The following DCAF8L2 variants were observed in gnomAD, a reference collection of about 807,000 sequenced individuals.
DCAF8L2 encodes DDB1- and CUL4-associated factor 8-like protein 2.
For missense variants in DCAF8L2, 430 were observed against 490.7 expected, an observed-to-expected ratio of 0.88 and a Z score of 1.17; for synonymous variants, 200 against 190.9, an observed-to-expected ratio of 1.05 and a Z score of -0.39.
At chrX:27,689,236 C>A (rs183988705) in intron 3 of DCAF8L2, among the ~76,000 whole-genome samples, 3 of 111,875 alleles carry the variant, frequency 2.7e-5, no homozygotes, top group Non-Finnish European at 3.8e-5. Flanking sequence ...GATTGATTGA[C>A]TGATTGATTG....
chrX:27,665,689 A>G (rs1482754665), intron 2 of DCAF8L2, among the ~76,000 whole-genome samples: 1 of 111,541 alleles, frequency 9.0e-6, no homozygotes, highest in Admixed American at 9.6e-5. Flanking sequence ...AAATTACCAT[A>G]GCCACCCCAA....
the DCAF8L2 span, among the ~76,000 whole-genome samples, chrX:27,571,557 A>G: frequency 8.9e-6 from 1 of 111,871 alleles, no homozygotes; most frequent in Non-Finnish European, 1.9e-5. Context: ...CCAAAGAGAG[A>G]TGTAGTAGGT....
At chrX:27,613,454 G>C (rs1433124285) in intron 1 of DCAF8L2, among the ~76,000 whole-genome samples, 1 of 111,124 alleles carries the variant, frequency 9.0e-6, no homozygotes, top group Admixed American at 9.6e-5. Context: ...TCTTTCTGCT[G>C]CCTGATTGCC....
chrX:27,557,644 A>G, the DCAF8L2 span, among the ~76,000 whole-genome samples: 8 of 111,499 alleles, frequency 7.2e-5, no homozygotes, highest in African/African-American at 2.6e-4. Flanking sequence ...GTTGGGCTGT[A>G]GAGGTTGTGC....
chrX:27,551,575 A>G, the DCAF8L2 span, among the ~76,000 whole-genome samples: 1 of 111,703 alleles, frequency 9.0e-6, no homozygotes, highest in Non-Finnish European at 1.9e-5. Flanking sequence ...TCTCTGAGGT[A>G]TGCTTTTATG....
intron 2 of DCAF8L2, among the ~76,000 whole-genome samples, chrX:27,656,290 T>C (rs1929348667): frequency 8.9e-6 from 1 of 112,081 alleles, no homozygotes; most frequent in South Asian, 3.7e-4. Flanking sequence ...AACAGCGGTA[T>C]CCGAAAACAA....
chrX:27,622,528 A>G (rs1927825921), intron 1 of DCAF8L2, among the ~76,000 whole-genome samples: 1 of 111,864 alleles, frequency 8.9e-6, no homozygotes, highest in South Asian at 3.7e-4. Context: ...TTAAAAGTAA[A>G]ATTGATAAAT....
chrX:27,729,436 A>C, intron 4 of DCAF8L2, among the ~76,000 whole-genome samples: 1 of 112,517 alleles, frequency 8.9e-6, no homozygotes, highest in East Asian at 2.8e-4. Flanking sequence ...GCCATATGGC[A>C]GCAAATAACT....
At chrX:27,565,408 T>C in the DCAF8L2 span, among the ~76,000 whole-genome samples, 9 of 111,784 alleles carry the variant, frequency 8.1e-5, no homozygotes, top group South Asian at 3.8e-4. Context: ...ATAAATTCCA[T>C]GTGGTCATGG....
At chrX:27,648,673 A>G (rs1929036987) in intron 2 of DCAF8L2, among the ~76,000 whole-genome samples, 1 of 110,800 alleles carries the variant, frequency 9.0e-6, no homozygotes, top group African/African-American at 3.3e-5. Flanking sequence ...CAATTTTCAC[A>G]ATCTGTCTTT....
the DCAF8L2 span, among the ~76,000 whole-genome samples, chrX:27,571,241 C>A: frequency 9.0e-6 from 1 of 111,686 alleles, no homozygotes; most frequent in African/African-American, 3.2e-5. Flanking sequence ...TCTCTAGATT[C>A]TTTCTGGTTT....
the DCAF8L2 span, among the ~76,000 whole-genome samples, chrX:27,512,402 A>G: frequency 9.0e-6 from 1 of 111,366 alleles, no homozygotes; most frequent in Admixed American, 9.6e-5. Context: ...ATCGTTATCA[A>G]GATACCAATG....
At chrX:27,517,974 C>T in the DCAF8L2 span, 1 of 1,184,387 alleles carries the variant, frequency 8.4e-7, no homozygotes. Context: ...AGTATGTAGA[C>T]AGCAAAGGTT....
chrX:27,577,566 A>C, the DCAF8L2 span, among the ~76,000 whole-genome samples: 1 of 112,057 alleles, frequency 8.9e-6, no homozygotes, highest in Non-Finnish European at 1.9e-5. Flanking sequence ...ATAACTTCAT[A>C]AATTAGAGAA....
chrX:27,506,678 A>T, the DCAF8L2 span, among the ~76,000 whole-genome samples: 62 of 110,378 alleles, frequency 5.6e-4, no homozygotes, highest in Admixed American at 2.7e-3. Flanking sequence ...GTGTGTCCAG[A>T]TTTCCCTTTT....
chrX:27,652,936 TA>T (rs1205639314), intron 2 of DCAF8L2, among the ~76,000 whole-genome samples: 1 of 112,468 alleles, frequency 8.9e-6, no homozygotes, highest in Non-Finnish European at 1.9e-5. Flanking sequence ...TCAGTCCCTA[TA>T]AAATGGAAAA....
intron 2 of DCAF8L2, among the ~76,000 whole-genome samples, chrX:27,652,025 A>G (rs1228125344): frequency 1.8e-5 from 2 of 110,034 alleles, no homozygotes; most frequent in East Asian, 2.8e-4. Context: ...TGGAGATACT[A>G]TTAATTAATA....
chrX:27,564,489 G>C, the DCAF8L2 span, among the ~76,000 whole-genome samples: 1 of 107,251 alleles, frequency 9.3e-6, no homozygotes, highest in South Asian at 4.2e-4. Context: ...TAACAGTTGA[G>C]GTGCACGTGC....
chrX:27,696,793 A>C (rs1930942451), intron 3 of DCAF8L2, among the ~76,000 whole-genome samples: 1 of 110,815 alleles, frequency 9.0e-6, no homozygotes, highest in South Asian at 3.7e-4. Flanking sequence ...TTGATTCTTG[A>C]ATCTCTCTTT....
Sources: allele counts gnomAD v4.1 joint callset (sites outside exome capture counted in the v4.1 genomes callset), GRCh38; gene constraint gnomAD v4.1.1; transcripts MANE v1.5; gene names NCBI Gene and HGNC (gene_info 2026-07-23, HGNC 2026-07-21).